Variants in CPLX1 observed in about 807,000 individuals in gnomAD.
CPLX1 encodes the protein complexin-1.
A neutral mutation model predicts 15.6 loss-of-function variants in CPLX1; 6 were observed. The ratio of observed to expected loss-of-function variants is 0.39; its 90% CI spans 0.21 to 0.76. The LOEUF (loss-of-function observed/expected upper bound fraction) is 0.76, where lower values mean the gene tolerates loss of function less well. Among genes scored for constraint, CPLX1 ranks in the 30% least tolerant of loss-of-function variants. The pLI is 0.43. For synonymous variants in CPLX1, 91 were observed against 75.2 expected (o/e 1.21, Z -1.08); for missense variants, 242 against 188.6 (o/e 1.28, Z -1.66).
intron 2 of CPLX1, among the ~76,000 whole-genome samples, chr4:814,708 G>T (rs1746717541): frequency 6.6e-6 from 1 of 152,262 alleles, no homozygotes; most frequent in African/African-American, 2.4e-5. Flanking sequence ...CAGGAGTCCG[G>T]GAGGAACACA....
At chr4:786,808 C>G (rs1017413196) in intron 3 of CPLX1, 110 bp from the exon 4 acceptor site, 1 of 1,429,750 alleles carries the variant, frequency 7.0e-7, no homozygotes. Flanking sequence ...GGGTGCGGCC[C>G]CCTACCCCAC....
chr4:801,176 G>A (rs1476166221), intron 2 of CPLX1, among the ~76,000 whole-genome samples: 2 of 151,104 alleles, frequency 1.3e-5, no homozygotes, highest in Non-Finnish European at 2.9e-5. Flanking sequence ...GCAAAAATTA[G>A]GCAGGCGTGG....
chr4:799,815 A>G (rs1010883042), intron 2 of CPLX1, among the ~76,000 whole-genome samples: 1 of 152,206 alleles, frequency 6.6e-6, no homozygotes, highest in Non-Finnish European at 1.5e-5. Context: ...GTGAGCCGAG[A>G]TTGCACCATT....
chr4:790,528 C>T (rs533809238), intron 3 of CPLX1, among the ~76,000 whole-genome samples: 3 of 152,282 alleles, frequency 2.0e-5, no homozygotes, highest in Admixed American at 2.0e-4. Context: ...GCCACTCGGT[C>T]CCTGACGCTG....
chr4:812,006 A>G (rs1576995529), intron 2 of CPLX1, among the ~76,000 whole-genome samples: 1 of 152,238 alleles, frequency 6.6e-6, no homozygotes, highest in East Asian at 1.9e-4. Flanking sequence ...TCTTATATTA[A>G]TATAGCCACT....
chr4:802,892 G>T (rs973011859), intron 2 of CPLX1, among the ~76,000 whole-genome samples: 1 of 151,606 alleles, frequency 6.6e-6, no homozygotes, highest in African/African-American at 2.4e-5. Flanking sequence ...CAGATGTTGC[G>T]GTGAGCCGAG....
chr4:804,089 C>T (rs539664033), intron 2 of CPLX1, among the ~76,000 whole-genome samples: 196 of 152,366 alleles, frequency 1.3e-3, no homozygotes, highest in African/African-American at 4.5e-3. Flanking sequence ...TTGCACCACA[C>T]GGCCTGGGCG....
intron 2 of CPLX1, chr4:804,866 T>A (rs1328358264): frequency 5.4e-6 from 5 of 931,220 alleles, no homozygotes; most frequent in Non-Finnish European, 6.4e-6. Context: ...ACGGGAAAGG[T>A]GGGCGGCGGC....
intron 2 of CPLX1, among the ~76,000 whole-genome samples, chr4:809,881 C>T (rs1027030387): frequency 4.6e-5 from 7 of 152,014 alleles, no homozygotes; most frequent in Non-Finnish European, 7.4e-5. Flanking sequence ...GGGACTGGCC[C>T]GGTTACTGAG....
chr4:802,482 C>G (rs1214274891), intron 2 of CPLX1, among the ~76,000 whole-genome samples: 3 of 152,162 alleles, frequency 2.0e-5, no homozygotes, highest in Non-Finnish European at 2.9e-5. Context: ...TGATCAGAAG[C>G]CCTAACAAAT....
chr4:802,554 TA>T (rs1577476648), intron 2 of CPLX1, among the ~76,000 whole-genome samples: 1 of 152,252 alleles, frequency 6.6e-6, no homozygotes, highest in East Asian at 1.9e-4. Context: ...TTACAAATAC[TA>T]AAAACATGAC....
intron 2 of CPLX1, among the ~76,000 whole-genome samples, chr4:800,829 G>A (rs1160148551): frequency 1.3e-5 from 2 of 148,442 alleles, no homozygotes; most frequent in Non-Finnish European, 1.5e-5. Flanking sequence ...AAATATATGT[G>A]TGTGTGTGTG....
intron 2 of CPLX1, among the ~76,000 whole-genome samples, chr4:807,940 C>T (rs1746589080): frequency 6.6e-6 from 1 of 152,136 alleles, no homozygotes; most frequent in South Asian, 2.1e-4. Flanking sequence ...TGCTTTGGCT[C>T]AGAGTCATGG....
intron 2 of CPLX1, among the ~76,000 whole-genome samples, chr4:818,964 C>T (rs1230280071): frequency 6.6e-6 from 1 of 152,222 alleles, no homozygotes; most frequent in Non-Finnish European, 1.5e-5. Context: ...GTCTGATCTC[C>T]GTGTGGACCA....
intron 2 of CPLX1, among the ~76,000 whole-genome samples, chr4:809,276 A>G (rs887674726): frequency 6.6e-6 from 1 of 152,240 alleles, no homozygotes; most frequent in African/African-American, 2.4e-5. Context: ...TGACTCCCCA[A>G]GGCCCCTTCA....
intron 3 of CPLX1, chr4:788,445 G>A (rs1353554054): frequency 2.0e-6 from 2 of 985,404 alleles, no homozygotes; most frequent in Non-Finnish European, 2.4e-6. Context: ...GGGGCCGTGG[G>A]CTCGCCCTAG....
chr4:794,715 C>A (rs1746282501), intron 2 of CPLX1, among the ~76,000 whole-genome samples: 1 of 152,210 alleles, frequency 6.6e-6, no homozygotes, highest in Admixed American at 6.5e-5. Flanking sequence ...TTTCTCCCTC[C>A]TGGAAAGGAC....
Position 786,794 on chromosome 4 carries a change from G to A in CPLX1, c.208-96C>T, listed in dbSNP as rs143924730. The A allele has an allele frequency of 5.7e-4, 831 of 1,464,046 alleles. 12 individuals carry two copies. The East Asian group carries it at 0.017, about 31-fold the overall frequency. The allele number at this position is 1,464,046 out of a possible 1,614,324, so 90.7% of individuals were successfully genotyped here. A position where few individuals can be genotyped will look rare whatever the true frequency, so the allele number is the denominator to read the frequency against. On this transcript the variant is annotated intron_variant, in intron 3 of 3. Transcript: ENST00000304062. Reference sequence around the variant, plus strand: ...GGGACTGGCCCAGGAACCCCCGAAGGCGTGGGTGCGGCCCCCTACCCCACC... The same window carrying A: ...GGGACTGGCCCAGGAACCCCCGAAGACGTGGGTGCGGCCCCCTACCCCACC...
At chr4:807,982 C>G (rs894753271) in intron 2 of CPLX1, among the ~76,000 whole-genome samples, 1 of 152,158 alleles carries the variant, frequency 6.6e-6, no homozygotes, top group African/African-American at 2.4e-5. Flanking sequence ...AATAAAAAAT[C>G]CTTGGCTGGG....
Sources: gnomAD v4.1 joint callset for allele counts (sites outside exome capture counted in the v4.1 genomes callset) on GRCh38, gnomAD v4.1.1 for gene constraint, MANE v1.5 for transcripts, NCBI Gene and HGNC (gene_info 2026-07-23, HGNC 2026-07-21) for gene names.